The following CLIC6 variants were observed in gnomAD, a reference collection of about 807,000 sequenced individuals.
CLIC6 encodes the protein CLIC family member 6, also known as chloride intracellular channel protein 6.
In CLIC6, 39 loss-of-function variants were observed where a neutral mutation model predicts 49.2. The ratio of observed to expected loss-of-function variants is 0.79; its 90% CI spans 0.61 to 1.04. CLIC6 has a LOEUF of 1.04. CLIC6 is among the 50% of genes least tolerant of loss of function. The pLI, the probability that CLIC6 is intolerant of heterozygous loss-of-function variation, is 0.00. For synonymous variants in CLIC6, 446 were observed against 433.4 expected (o/e 1.03, Z -0.36); for missense variants, 988 against 993.1 (o/e 0.99, Z 0.07).
chr21:34,707,463 A>ACACACACACACAC, intron 2 of CLIC6, 74 bp downstream of exon 2: 1 of 861,540 alleles, frequency 1.2e-6, no homozygotes, highest in Non-Finnish European at 1.9e-6. Context: ...ACACACACAC[A>ACACACACACACAC]CACACACCTG....
At position 34,669,387 on chromosome 21, in the gene CLIC6, C is replaced by T; in HGVS notation, c.-2C>T. ...CCCGATCAAGGACAGGGATCTGCGG[C>T]CATGGCCGAGGCCGCGGAGCCGGAG... is the stretch of plus-strand genomic sequence containing the variant. On this transcript the variant is annotated 5_prime_UTR_variant, in exon 1 of 6. Transcript: ENST00000349499. The T allele has an allele frequency of 8.1e-7, 1 of 1,238,354 alleles. No individual in the cohort carries two copies. The highest frequency in any genetic ancestry group is 1.0e-6 in the Non-Finnish European group (1 of 991,480). 76.7% of individuals were successfully genotyped at this position (1,238,354 alleles called of 1,614,324 possible). A position where few individuals can be genotyped will look rare whatever the true frequency, so the allele number is the denominator to read the frequency against.
chr21:34,694,472 A>ATTTTT (rs1990057295), intron 1 of CLIC6, among the ~76,000 whole-genome samples: 1 of 151,344 alleles, frequency 6.6e-6, no homozygotes, highest in Non-Finnish European at 1.5e-5. Flanking sequence ...ATGCCCAGCT[A>ATTTTT]TTTTTTGTTT....
At chr21:34,679,213 G>A (rs143605781) in intron 1 of CLIC6, among the ~76,000 whole-genome samples, 1 of 152,298 alleles carries the variant, frequency 6.6e-6, no homozygotes. Flanking sequence ...CACGGCAGAA[G>A]GGGAAGCAAA....
At chr21:34,701,308 CAAAAAAAAAAAAAA>C (rs763844976) in intron 1 of CLIC6, among the ~76,000 whole-genome samples, 1 of 49,570 alleles carries the variant, frequency 2.0e-5, no homozygotes, top group South Asian at 9.0e-4. Flanking sequence ...GGCTCCGTCT[CAAAAAAAAAAAAAA>C]AAAAAAAAAA....
rs1328227591 is a variant in CLIC6 at position 34,707,993 on chromosome 21, A to T, written c.1534A>T (p.Met512Leu). ...NLAPGTNPPFMTFDGEVKTDV... is the reference protein window; with the variant it reads ...NLAPGTNPPFLTFDGEVKTDV... The stretch of plus-strand genomic sequence containing the variant: ...GGCTCCCGGAACAAACCCTCCTTTC[A>T]TGACTTTTGATGGTGAAGTCAAGAC... The change falls in exon 3 of 6, where the codon ATG (methionine) becomes TTG (leucine). Residue 512 changes from methionine to leucine, a missense_variant. This residue lies in a region of CLIC6 where 647 missense variants were observed against 596.9 expected (regional missense o/e 1.08). Coordinates refer to ENST00000349499, the MANE Select transcript of CLIC6 (RefSeq NM_053277.3). 6.2e-7 allele frequency: 1 copy of T among 1,613,968 alleles called. No homozygotes were observed. Among genetic ancestry groups the T allele is most frequent in the African/African-American group, 1.3e-5 (1 of 74,866 alleles).
Position 34,709,530 on chromosome 21 carries a change from A to G in CLIC6, c.1891A>G (p.Ile631Val), listed in dbSNP as rs952636981. The G allele has an allele frequency of 6.2e-7, 1 of 1,613,828 alleles. No homozygotes were observed. The highest frequency in any genetic ancestry group is 8.5e-7 in the Non-Finnish European group (1 of 1,179,800). The change falls in exon 5 of 6, where the codon ATT (isoleucine) becomes GTT (valine). Residue 631 changes from isoleucine to valine, a missense_variant. Physicochemically the swap from Ile to Val is conservative, Grantham distance 29. Coordinates refer to ENST00000349499, the MANE Select transcript of CLIC6 (RefSeq NM_053277.3). ...CTGCAACCTCTTACCCAAGCTCCAT[A>G]TTATTAAGGTTCATCTTCCCTCCCG... Reference protein sequence around the residue: ...ADCNLLPKLHIIKIVAKKYRD... With the variant: ...ADCNLLPKLHVIKIVAKKYRD...
intron 1 of CLIC6, among the ~76,000 whole-genome samples, chr21:34,681,832 T>G (rs1989785260): frequency 6.6e-6 from 1 of 152,212 alleles, no homozygotes; most frequent in Admixed American, 6.5e-5. Flanking sequence ...AAAGTGGAAT[T>G]AGGCTCCACC....
chr21:34,717,163 C>T lies in CLIC6; in HGVS notation c.*681C>T, dbSNP rs1020259843. 6.6e-6 allele frequency: 1 copy of T among 152,318 alleles called. No individual in the cohort carries two copies. The highest frequency in any genetic ancestry group is 2.4e-5 in the African/African-American group (1 of 41,442). 9.4% of individuals were successfully genotyped at this position (152,318 alleles called of 1,614,324 possible). On this transcript the variant is annotated 3_prime_UTR_variant, in exon 6 of 6. Coordinates refer to ENST00000349499, the MANE Select transcript of CLIC6 (RefSeq NM_053277.3). ...ATTTCTGCCTCCAGGATGCCACTGC[C>T]TCTGCTTCCAGGAAAGGCAAGGGGG...
intron 1 of CLIC6, among the ~76,000 whole-genome samples, chr21:34,680,997 A>G (rs1989768119): frequency 6.6e-6 from 1 of 152,210 alleles, no homozygotes. Flanking sequence ...TCACATTTTC[A>G]GGTATCCTTA....
chr21:34,698,843 G>A (rs549809328), intron 1 of CLIC6, among the ~76,000 whole-genome samples: 4 of 152,274 alleles, frequency 2.6e-5, no homozygotes, highest in South Asian at 2.1e-4. Context: ...TCCAGGATAC[G>A]GGTTAGGAAT....
chr21:34,687,136 G>C (rs981100462), intron 1 of CLIC6, among the ~76,000 whole-genome samples: 3 of 152,152 alleles, frequency 2.0e-5, no homozygotes, highest in African/African-American at 7.2e-5. Context: ...TGAAAAGACA[G>C]GGCCAGATGG....
At chr21:34,676,328 T>C (rs1989670365) in intron 1 of CLIC6, among the ~76,000 whole-genome samples, 2 of 152,228 alleles carry the variant, frequency 1.3e-5, no homozygotes, top group African/African-American at 4.8e-5. Flanking sequence ...GGTCCATATA[T>C]TAATTCAATA....
chr21:34,670,244 G>T lies in CLIC6; in HGVS notation c.856G>T (p.Ala286Ser). The T allele has an allele frequency of 7.0e-7, 1 of 1,428,816 alleles. No individual in the cohort carries two copies. The highest frequency in any genetic ancestry group is 1.5e-5 in the South Asian group (1 of 67,256). The allele number at this position is 1,428,816 out of a possible 1,614,324, so 88.5% of individuals were successfully genotyped here. ...AGDSMDAEGP[A>S]GRARRVSGEP... ...GGACAGCATGGACGCCGAGGGTCCG[G>T]CAGGAAGGGCGCGCCGGGTCTCGGG... Residue 286 changes from alanine to serine, a missense_variant, in exon 1 of 6, where the codon GCA becomes TCA. Ala to Ser is a moderately conservative substitution (Grantham distance 99, BLOSUM62 1). Around this residue, in one of 3 missense-constraint regions of CLIC6, gnomAD observed 647 missense variants for 596.9 expected, o/e 1.08. Transcript: ENST00000349499.
At chr21:34,704,914 G>A in intron 1 of CLIC6, among the ~76,000 whole-genome samples, 1 of 152,156 alleles carries the variant, frequency 6.6e-6, no homozygotes, top group Non-Finnish European at 1.5e-5. Flanking sequence ...GCCACTGCAA[G>A]AAGGGTCCAT....
intron 1 of CLIC6, among the ~76,000 whole-genome samples, chr21:34,685,071 G>A (rs1236122474): frequency 6.6e-6 from 1 of 152,136 alleles, no homozygotes; most frequent in Non-Finnish European, 1.5e-5. Flanking sequence ...AAGAAAGCCT[G>A]GACCCATTGT....
At chr21:34,699,692 G>A (rs989402947) in intron 1 of CLIC6, among the ~76,000 whole-genome samples, 2 of 152,134 alleles carry the variant, frequency 1.3e-5, no homozygotes, top group Non-Finnish European at 1.5e-5. Flanking sequence ...AGCATCGTTC[G>A]TAATACTAGA....
chr21:34,714,289 A>T (rs1372341497), intron 5 of CLIC6, among the ~76,000 whole-genome samples: 1 of 152,242 alleles, frequency 6.6e-6, no homozygotes, highest in East Asian at 1.9e-4. Context: ...AAACTATGTC[A>T]TTACCACCAT....
At chr21:34,686,185 C>T (rs374882345) in intron 1 of CLIC6, among the ~76,000 whole-genome samples, 3 of 152,242 alleles carry the variant, frequency 2.0e-5, no homozygotes, top group Non-Finnish European at 2.9e-5. Flanking sequence ...GGGCAGATCA[C>T]GAGGTCAGGA....
At chr21:34,681,321 T>G (rs1445461311) in intron 1 of CLIC6, among the ~76,000 whole-genome samples, 1 of 152,238 alleles carries the variant, frequency 6.6e-6, no homozygotes, top group Non-Finnish European at 1.5e-5. Flanking sequence ...ATGATTCAAT[T>G]ATCTCTATTT....
Sources: gnomAD v4.1 joint callset for allele counts (sites outside exome capture counted in the v4.1 genomes callset) on GRCh38, gnomAD v4.1.1 for gene constraint, gnomAD v4.1.1 regional missense constraint, MANE v1.5 for transcripts, NCBI Gene and HGNC (gene_info 2026-07-23, HGNC 2026-07-21) for gene names.